The following STRN4 variants were observed in gnomAD, a reference collection of about 807,000 sequenced individuals.
The protein encoded by STRN4 is striatin-4.
STRN4 carries 27 observed loss-of-function variants against 77.9 expected under a neutral mutation model. The observed-to-expected ratio is 0.35, with a 90% CI of 0.26 to 0.48. STRN4 has a LOEUF of 0.48. Ranked by LOEUF, STRN4 falls within the 20% of genes least tolerant of loss-of-function variation. The pLI is 0.99. For missense variants in STRN4, 798 were observed against 1,049.7 expected (o/e 0.76, Z 3.31); for synonymous variants, 466 against 443.1 (o/e 1.05, Z -0.65).
In STRN4 at chr19:46,733,537, G is replaced by T. The variant is rs775962903; in HGVS notation, c.540-301C>A. ...GCTGTGTCAGCAAATGACTCATAGC[G>T]CTGCAAGGCAGAAGATCAACAGGGC... On this transcript the variant is annotated intron_variant, in intron 4 of 17. Coordinates refer to ENST00000263280, the MANE Select transcript of STRN4 (RefSeq NM_013403.3). The surrounding 1 kb of genome is among the most constrained non-coding windows in gnomAD (Gnocchi z 4.3). 2.1e-4 allele frequency: 77 copies of T among 364,400 alleles called. No individual in the cohort carries two copies. Among genetic ancestry groups the T allele is most frequent in the Non-Finnish European group, 3.3e-4 (64 of 195,514 alleles). 22.6% of individuals were successfully genotyped at this position (364,400 alleles called of 1,614,324 possible).
At chr19:46,745,668 T>C (rs1297633611) in intron 1 of STRN4, 1 of 152,188 alleles carries the variant, frequency 6.6e-6, no homozygotes, top group East Asian at 2.0e-4. Flanking sequence ...GGGGTCGGGG[T>C]CGGGAGTCCC....
At chr19:46,724,281 A>C (rs2054053877) in intron 12 of STRN4, among the ~76,000 whole-genome samples, 1 of 149,336 alleles carries the variant, frequency 6.7e-6, no homozygotes, top group South Asian at 2.1e-4. Context: ...AAAAAGGCAG[A>C]GAACAGGGGG....
chr19:46,737,190 G>A (rs7251189), intron 3 of STRN4, among the ~76,000 whole-genome samples: 10,383 of 152,246 alleles, frequency 0.068, 1,017 homozygotes, highest in African/African-American at 0.22. Context: ...GAGAAGGGCC[G>A]ACTGGGTTCA....
intron 6 of STRN4, among the ~76,000 whole-genome samples, chr19:46,729,611 A>G (rs951924172): frequency 2.6e-5 from 4 of 152,242 alleles, no homozygotes; most frequent in Non-Finnish European, 5.9e-5. Context: ...GGCCGGGCTC[A>G]GGACTCCAGA....
intron 1 of STRN4, chr19:46,740,308 T>C (rs578229261): frequency 6.6e-6 from 1 of 152,076 alleles, no homozygotes; most frequent in South Asian, 2.1e-4. Flanking sequence ...AAGAAATACA[T>C]GTCACCAGTT....
In STRN4 at chr19:46,733,049, G is replaced by C. The variant is rs753559355; in HGVS notation, c.727C>G (p.Gln243Glu). ...ESLLVKQIEEQIKRNAAGKDG... is the reference protein window; with the variant it reads ...ESLLVKQIEEEIKRNAAGKDG... ...TGTCCACGGGCTCACCTCTTTATCT[G>C]CTCCTCGATCTGTTTCACCAGCAGC... The change falls in exon 5 of 18, where the codon CAG becomes GAG. Residue 243 changes from glutamine (Q) to glutamate (E), a missense_variant. Transcript: ENST00000263280. The surrounding 1 kb of genome is among the most constrained non-coding windows in gnomAD (Gnocchi z 4.3). The C allele has an allele frequency of 5.6e-6, 9 of 1,610,348 alleles. No homozygotes were observed. Among genetic ancestry groups the C allele is most frequent in the Non-Finnish European group, 7.6e-6 (9 of 1,177,178 alleles).
At chr19:46,725,866 A>G (rs1300430189) in intron 9 of STRN4, 2 of 611,736 alleles carry the variant, frequency 3.3e-6, no homozygotes, top group Non-Finnish European at 5.6e-6. Context: ...GGTTCTGGAG[A>G]GACAAAGGTG....
At chr19:46,725,960 C>G (rs1267162513) in intron 9 of STRN4, 4 of 321,590 alleles carry the variant, frequency 1.2e-5, no homozygotes, top group Non-Finnish European at 2.3e-5. Flanking sequence ...GCAGGATCAT[C>G]AGCCATGAGC....
intron 3 of STRN4, among the ~76,000 whole-genome samples, chr19:46,737,949 G>A (rs1042894075): frequency 6.6e-5 from 10 of 152,094 alleles, no homozygotes; most frequent in African/African-American, 2.4e-4. Flanking sequence ...GTTGCACAGG[G>A]GGACCCAAGC....
chr19:46,735,455 C>CTGTA (rs570448287), intron 4 of STRN4, among the ~76,000 whole-genome samples: 351 of 152,114 alleles, frequency 2.3e-3, no homozygotes, highest in African/African-American at 8.0e-3. Context: ...GACTGCACCA[C>CTGTA]TGTACTCCAG....
chr19:46,727,353 G>A (rs1021205049), intron 9 of STRN4, 99 bp downstream of exon 9: 3 of 1,016,854 alleles, frequency 3.0e-6, no homozygotes, highest in South Asian at 1.5e-5. Flanking sequence ...TGTGAAACAG[G>A]ATGAGCAGGG....
In STRN4 at chr19:46,745,956, C is replaced by T; in HGVS notation, c.282+193G>A. ...CACCTCGGGCCGTCCCGGTCCCGTC[C>T]CACCCCGGAGTGCCCTCAGGACACC... On this transcript the variant is annotated intron_variant, in intron 1 of 17. Coordinates refer to ENST00000263280, the MANE Select transcript of STRN4 (RefSeq NM_013403.3). The T allele has an allele frequency of 6.5e-6, 4 of 617,960 alleles. No individual in the cohort carries two copies. The Admixed American group carries it at 1.4e-4, about 21-fold the overall frequency. 38.3% of individuals were successfully genotyped at this position (617,960 alleles called of 1,614,324 possible).
rs369423867 is a variant in STRN4, at chr19:46,736,782, C to T, written c.539+41G>A. On this transcript the variant is annotated intron_variant, in intron 4 of 17. Transcript: ENST00000263280. ...CTTTGGACTTATCTCTCAAGCCAAACGTGTCACGTGTCCCCAGCCCCCCTC... is the reference window on the plus strand; with the variant it reads ...CTTTGGACTTATCTCTCAAGCCAAATGTGTCACGTGTCCCCAGCCCCCCTC... 8.3e-5 allele frequency: 132 copies of T among 1,597,010 alleles called. No individual in the cohort carries two copies. The African/African-American group carries it at 1.4e-3, about 17-fold the overall frequency.
chr19:46,734,348 C>T (rs2054315274), intron 4 of STRN4, among the ~76,000 whole-genome samples: 1 of 152,174 alleles, frequency 6.6e-6, no homozygotes, highest in Admixed American at 6.5e-5. Context: ...TAAGTGTAGC[C>T]TGTTAGTATT....
At chr19:46,745,378 G>C (rs1223097302) in intron 1 of STRN4, among the ~76,000 whole-genome samples, 1 of 152,118 alleles carries the variant, frequency 6.6e-6, no homozygotes, top group Non-Finnish European at 1.5e-5. Flanking sequence ...GCACTGTGCA[G>C]CCACACATGC....
Position 46,730,743 on chromosome 19 carries a change from G to T in STRN4, c.868C>A (p.Gln290Lys). Reference protein sequence around the residue: ...DELDSVQHKKQRVKLPSKALV... With the variant: ...DELDSVQHKKKRVKLPSKALV... ...GAGGAAGGGCTCACCTTCACACGCT[G>T]CTTCTTGTGCTGCACGCTGTCCAGC... Residue 290 changes from glutamine (Q) to lysine (K), a missense_variant, in exon 6 of 18, where the codon CAG (glutamine) becomes AAG (lysine). Gln to Lys is a moderately conservative substitution (Grantham distance 53). Coordinates refer to ENST00000263280, the MANE Select transcript of STRN4 (RefSeq NM_013403.3). 6.2e-7 allele frequency: 1 copy of T among 1,612,190 alleles called. No individual in the cohort carries two copies.
At position 46,733,602 on chromosome 19, in the gene STRN4, G is replaced by A. The variant is rs749859277; in HGVS notation, c.540-366C>T. Reference sequence around the variant, plus strand: ...AGCTGGCCACGGTAAACAGCAGAACGAAAACGCTAAGTTCTATGATCCACA... The same window carrying A: ...AGCTGGCCACGGTAAACAGCAGAACAAAAACGCTAAGTTCTATGATCCACA... On this transcript the variant is annotated intron_variant, in intron 4 of 17. Transcript: ENST00000263280. The surrounding 1 kb of genome is among the most constrained non-coding windows in gnomAD (Gnocchi z 4.3). Among the ~76,000 whole-genome samples the A allele has an allele frequency of 5.9e-5, 9 of 152,134 alleles. No homozygotes were observed. The highest frequency in any genetic ancestry group is 1.2e-4 in the African/African-American group (5 of 41,416).
intron 7 of STRN4, 56 bp downstream of exon 7, chr19:46,728,562 T>C: frequency 6.3e-7 from 1 of 1,580,024 alleles, no homozygotes. Context: ...CTGAGCCTGC[T>C]CCCACCCCCT....
chr19:46,728,825 G>C, intron 6 of STRN4, 48 bp from the exon 7 acceptor site: 1 of 1,604,264 alleles, frequency 6.2e-7, no homozygotes. Flanking sequence ...CTTGTCCAGA[G>C]ACTAAGCCAC....
Sources: gnomAD v4.1 joint callset for allele counts (sites outside exome capture counted in the v4.1 genomes callset) on GRCh38, gnomAD v4.1.1 for gene constraint, Gnocchi (gnomAD v3.1) non-coding constraint, MANE v1.5 for transcripts, NCBI Gene and HGNC (gene_info 2026-07-23, HGNC 2026-07-21) for gene names.